RGS20: variants seen among roughly 807,000 people sequenced by gnomAD.
RGS20 encodes the protein regulator of G protein signaling 20.
RGS20 carries 30 observed loss-of-function variants against 33.6 expected under a neutral mutation model. The ratio of observed to expected loss-of-function variants is 0.89; its 90% CI spans 0.67 to 1.21. The LOEUF (loss-of-function observed/expected upper bound fraction) is 1.21, where lower values mean the gene tolerates loss of function less well. Ranked by LOEUF, RGS20 falls within the 50% of genes most tolerant of loss-of-function variation. The pLI is 0.00. For missense variants in RGS20, 472 were observed against 502.4 expected (o/e 0.94, Z 0.58); for synonymous variants, 208 against 197.9 (o/e 1.05, Z -0.43).
rs115112711 is a variant in RGS20, at chr8:53,943,312, C to T, written c.660-3353C>T. 4.9e-3 allele frequency among the ~76,000 whole-genome samples: 751 copies of T among 152,162 alleles called. 12 individuals carry two copies. Among genetic ancestry groups the T allele is most frequent in the African/African-American group, 0.017 (712 of 41,534 alleles). ...GTCAATTTTCAAGAAAAGTAAATGG[C>T]AATTTCTTTTCTAAGTACTTGTGAA... is the stretch of plus-strand genomic sequence containing the variant. On this transcript the variant is annotated intron_variant, in intron 3 of 5. Transcript: ENST00000297313.
chr8:53,868,549 T>C (rs1003725735), intron 1 of RGS20, among the ~76,000 whole-genome samples: 1 of 152,146 alleles, frequency 6.6e-6, no homozygotes, highest in Admixed American at 6.5e-5. Flanking sequence ...TATAAATGTG[T>C]ATACCTCAGG....
intron 2 of RGS20, among the ~76,000 whole-genome samples, chr8:53,911,487 A>G (rs1250571421): frequency 1.3e-5 from 2 of 152,240 alleles, no homozygotes; most frequent in African/African-American, 4.8e-5. Context: ...AATAACATGT[A>G]CAAGTTTAAT....
rs964368736 is a variant in RGS20, at chr8:53,875,239, C to G, written c.166-4019C>G. 2.5e-4 allele frequency among the ~76,000 whole-genome samples: 38 copies of G among 152,004 alleles called. 1 individual carries two copies. The highest frequency in any genetic ancestry group is 7.3e-4 in the African/African-American group (30 of 41,370). ...ATGAGGTCAGAAGTTTGAGATCAGC[C>G]TGGCCAACATGGTGAAACCCCATCT... is the stretch of plus-strand genomic sequence containing the variant. On this transcript the variant is annotated intron_variant, in intron 1 of 5. Coordinates refer to ENST00000297313, the MANE Select transcript of RGS20 (RefSeq NM_170587.4).
chr8:53,958,196 C>T, intron 5 of RGS20, 74 bp from the exon 5 acceptor site: 1 of 1,096,920 alleles, frequency 9.1e-7, no homozygotes, highest in East Asian at 2.8e-5. Context: ...CAAAAATCCC[C>T]ACAAGCTCTA....
At chr8:53,904,580 C>A (rs1813115820) in intron 2 of RGS20, among the ~76,000 whole-genome samples, 1 of 152,208 alleles carries the variant, frequency 6.6e-6, no homozygotes, top group Non-Finnish European at 1.5e-5. Context: ...TCATGCAAAC[C>A]ATTAATGATG....
At chr8:53,888,218 C>T (rs1273357351) in intron 2 of RGS20, among the ~76,000 whole-genome samples, 2 of 152,224 alleles carry the variant, frequency 1.3e-5, no homozygotes, top group Admixed American at 6.5e-5. Context: ...CTATAATCCC[C>T]GCAAATTTCA....
chr8:53,874,780 C>G (rs1812161089), intron 1 of RGS20, among the ~76,000 whole-genome samples: 1 of 152,186 alleles, frequency 6.6e-6, no homozygotes, highest in Admixed American at 6.5e-5. Context: ...GTCGAAATTT[C>G]CCCTTTGTAT....
At position 53,897,495 on chromosome 8, in the gene RGS20, C is replaced by A. The variant is rs79057727; in HGVS notation, c.510+17893C>A. ...AAAAATGAATGTTACTTTTAAGGAA[C>A]TTATCTTTTACTAAGCATACTTTAT... On this transcript the variant is annotated intron_variant, in intron 2 of 5. Transcript: ENST00000297313. Among the ~76,000 whole-genome samples the A allele has an allele frequency of 3.4e-3, 523 of 152,300 alleles. 8 individuals carry two copies. Among genetic ancestry groups the A allele is most frequent in the African/African-American group, 0.012 (498 of 41,574 alleles).
intron 1 of RGS20, among the ~76,000 whole-genome samples, chr8:53,859,079 C>T (rs975519780): frequency 3.9e-5 from 6 of 152,054 alleles, no homozygotes; most frequent in African/African-American, 1.4e-4. Context: ...GGGTGATGGA[C>T]ATGAGGGTTC....
intron 1 of RGS20, chr8:53,852,173 A>C (rs1811582086): frequency 9.5e-7 from 1 of 1,048,956 alleles, no homozygotes; most frequent in South Asian, 2.6e-5. Flanking sequence ...ACTTATCTTA[A>C]TGTTTTATCA....
At chr8:53,909,566 T>C (rs558751129) in intron 2 of RGS20, among the ~76,000 whole-genome samples, 1 of 152,166 alleles carries the variant, frequency 6.6e-6, no homozygotes, top group Non-Finnish European at 1.5e-5. Context: ...TTATGCTATT[T>C]TTTTTAAAGG....
intron 2 of RGS20, among the ~76,000 whole-genome samples, chr8:53,894,381 C>T (rs537546527): frequency 2.0e-5 from 3 of 152,224 alleles, no homozygotes; most frequent in South Asian, 2.1e-4. Flanking sequence ...ACTAAAACCT[C>T]GAGGAGCAGA....
chr8:53,939,566 C>G lies in RGS20; in HGVS notation c.511-10C>G, dbSNP rs374615831. On this transcript the variant is annotated splice_polypyrimidine_tract_variant and intron_variant, in intron 2 of 5. Coordinates refer to ENST00000297313, the MANE Select transcript of RGS20 (RefSeq NM_170587.4). Reference sequence around the variant, plus strand: ...CCCTCCCGCCCGCTTTGTTCCTCTCCCTCTTGCAGCAGATGGGATCAGAGC... The same window carrying G: ...CCCTCCCGCCCGCTTTGTTCCTCTCGCTCTTGCAGCAGATGGGATCAGAGC... 2 of 1,532,946 alleles carry G rather than the reference C, an allele frequency of 1.3e-6. No homozygotes were observed. The highest frequency in any genetic ancestry group is 1.8e-6 in the Non-Finnish European group (2 of 1,137,358). The allele number at this position is 1,532,946 out of a possible 1,614,324, so 95.0% of individuals were successfully genotyped here.
intron 2 of RGS20, among the ~76,000 whole-genome samples, chr8:53,934,504 CAAAG>C (rs1024159962): frequency 4.6e-5 from 7 of 152,036 alleles, no homozygotes; most frequent in African/African-American, 1.7e-4. Flanking sequence ...TCAAAAAAGA[CAAAG>C]AAGGGCATCA....
chr8:53,958,376 G>C lies in RGS20; in HGVS notation c.1085G>C (p.Arg362Thr). The C allele has an allele frequency of 6.2e-7, 1 of 1,613,808 alleles. No individual in the cohort carries two copies. Among genetic ancestry groups the C allele is most frequent in the Non-Finnish European group, 8.5e-7 (1 of 1,179,824 alleles). ...CTTCAGATTTACACCCTGATGCACA[G>C]AGACTCATATCCTCGATTCATGAAC... is the stretch of plus-strand genomic sequence containing the variant. The change falls in exon 6 of 6, where the codon AGA becomes ACA. Residue 362 changes from arginine (R) to threonine (T), a missense_variant. Physicochemically the swap from Arg to Thr is moderately conservative, Grantham distance 71. Transcript: ENST00000297313.
intron 2 of RGS20, among the ~76,000 whole-genome samples, chr8:53,895,874 T>C (rs1048918899): frequency 3.3e-5 from 5 of 152,054 alleles, no homozygotes; most frequent in African/African-American, 1.2e-4. Flanking sequence ...TTCAAACTCC[T>C]GACCTCAAAT....
intron 1 of RGS20, among the ~76,000 whole-genome samples, chr8:53,872,966 A>G (rs1812113523): frequency 6.6e-6 from 1 of 152,106 alleles, no homozygotes; most frequent in African/African-American, 2.4e-5. Context: ...TCTCCTCTAA[A>G]TCTCATGTGG....
At chr8:53,907,286 T>A (rs1813207209) in intron 2 of RGS20, among the ~76,000 whole-genome samples, 1 of 152,092 alleles carries the variant, frequency 6.6e-6, no homozygotes, top group Non-Finnish European at 1.5e-5. Flanking sequence ...CCTGTATCTA[T>A]TAAGATTTAA....
At chr8:53,955,347 A>C (rs989966073) in intron 5 of RGS20, among the ~76,000 whole-genome samples, 1 of 152,022 alleles carries the variant, frequency 6.6e-6, no homozygotes, top group East Asian at 1.9e-4. Context: ...TTTAAATAAA[A>C]TTATCTTGTT....
Sources: gnomAD v4.1 joint callset for allele counts (sites outside exome capture counted in the v4.1 genomes callset) on GRCh38, gnomAD v4.1.1 for gene constraint, MANE v1.5 for transcripts, NCBI Gene and HGNC (gene_info 2026-07-23, HGNC 2026-07-21) for gene names.